WDR27: variants seen among roughly 807,000 people sequenced by gnomAD.
The protein encoded by WDR27 is WD repeat domain 27, also known as WD repeat-containing protein 27.
A neutral mutation model predicts 114.4 loss-of-function variants in WDR27; 100 were observed. The ratio of observed to expected loss-of-function variants is 0.87; its 90% CI spans 0.74 to 1.03. WDR27 has a LOEUF of 1.03. Ranked by LOEUF, WDR27 falls within the 50% of genes least tolerant of loss-of-function variation. The probability of loss-of-function intolerance (pLI) is 0.00; values close to 1 mark genes in which losing one functional copy is unlikely to be tolerated. For synonymous variants in WDR27, 449 were observed against 423.1 expected (o/e 1.06, Z -0.75); for missense variants, 1,129 against 1,092.9 (o/e 1.03, Z -0.47).
intron 24 of WDR27, among the ~76,000 whole-genome samples, chr6:169,576,903 A>C (rs1802443614): frequency 6.6e-6 from 1 of 152,182 alleles, no homozygotes; most frequent in Non-Finnish European, 1.5e-5. Context: ...GAAACGAAGA[A>C]AGAAAGATGG....
chr6:169,534,311 T>A (rs1795971801), intron 25 of WDR27, among the ~76,000 whole-genome samples: 2 of 152,248 alleles, frequency 1.3e-5, no homozygotes, highest in Admixed American at 1.3e-4. Flanking sequence ...TGGAGATTTT[T>A]GTATTTCTAT....
At chr6:169,525,105 T>TA (rs1326323392) in intron 25 of WDR27, among the ~76,000 whole-genome samples, 18 of 151,686 alleles carry the variant, frequency 1.2e-4, no homozygotes, top group African/African-American at 3.6e-4. Flanking sequence ...TAAATCCAAT[T>TA]AAAAAAAATC....
chr6:169,489,740 C>T (rs898114083), intron 25 of WDR27, among the ~76,000 whole-genome samples: 3 of 152,218 alleles, frequency 2.0e-5, no homozygotes, highest in African/African-American at 7.2e-5. Context: ...TTTCTGAAAT[C>T]CCTCCAGATG....
chr6:169,664,654 C>T, intron 7 of WDR27: 1 of 1,057,370 alleles, frequency 9.5e-7, no homozygotes, highest in South Asian at 4.4e-5. Flanking sequence ...GACAAGGCAA[C>T]AGCGGTCAAC....
At chr6:169,554,063 T>A (rs1171827453) in intron 25 of WDR27, among the ~76,000 whole-genome samples, 1 of 152,222 alleles carries the variant, frequency 6.6e-6, no homozygotes, top group African/African-American at 2.4e-5. Flanking sequence ...CAATTTCGCA[T>A]GGACAGACAA....
At chr6:169,701,458 A>AT (rs1466009588) in intron 1 of WDR27, 93 bp downstream of exon 1, 1 of 152,260 alleles carries the variant, frequency 6.6e-6, no homozygotes, top group African/African-American at 2.4e-5. Context: ...GAGGCCGGGC[A>AT]TTTCTACAGC....
intron 14 of WDR27, among the ~76,000 whole-genome samples, chr6:169,649,662 G>C (rs1024823881): frequency 6.6e-6 from 1 of 151,894 alleles, no homozygotes; most frequent in Non-Finnish European, 1.5e-5. Context: ...CAGAACTGGG[G>C]AATCCATACA....
intron 25 of WDR27, among the ~76,000 whole-genome samples, chr6:169,534,599 A>G (rs1796004405): frequency 6.6e-6 from 1 of 152,016 alleles, no homozygotes; most frequent in Non-Finnish European, 1.5e-5. Context: ...TGTTCTACTT[A>G]TTCTTGAATC....
In WDR27 at chr6:169,689,477, T is replaced by C. The variant is rs1325976400; in HGVS notation, c.-7-465A>G. Among the ~76,000 whole-genome samples the C allele has an allele frequency of 1.3e-5, 2 of 152,236 alleles. 1 individual carries two copies. The highest frequency in any genetic ancestry group is 6.3e-3 in the Middle Eastern group (2 of 316). ...AAATCAGTTGTTAGGAAACTGCAAT[T>C]GGAACCCGCATCTCCCATAACTAAC... On this transcript the variant is annotated intron_variant, in intron 1 of 25. Coordinates refer to ENST00000448612, the MANE Select transcript of WDR27 (RefSeq NM_182552.5).
chr6:169,497,340 C>T (rs1344625455), intron 25 of WDR27, among the ~76,000 whole-genome samples: 1 of 151,974 alleles, frequency 6.6e-6, no homozygotes, highest in Admixed American at 6.6e-5. Flanking sequence ...AGGAAAAAAG[C>T]TTTCCAGCAT....
intron 25 of WDR27, among the ~76,000 whole-genome samples, chr6:169,552,150 G>A (rs899172829): frequency 6.6e-6 from 1 of 152,066 alleles, no homozygotes; most frequent in African/African-American, 2.4e-5. Context: ...GCTCCATCCT[G>A]CTCGGGCCTG....
intron 25 of WDR27, among the ~76,000 whole-genome samples, chr6:169,458,034 C>T (rs1784483889): frequency 6.8e-6 from 1 of 146,442 alleles, no homozygotes; most frequent in Non-Finnish European, 1.5e-5. Flanking sequence ...GAATCCACCC[C>T]ACCCAGATAG....
intron 24 of WDR27, among the ~76,000 whole-genome samples, chr6:169,581,841 G>T (rs1292889520): frequency 6.6e-6 from 1 of 152,200 alleles, no homozygotes; most frequent in Admixed American, 6.5e-5. Context: ...GTGGAGTGCC[G>T]TTCCACCTGG....
intron 25 of WDR27, among the ~76,000 whole-genome samples, chr6:169,512,955 C>T (rs1449349340): frequency 6.6e-6 from 1 of 152,164 alleles, no homozygotes; most frequent in Non-Finnish European, 1.5e-5. Flanking sequence ...GAGACGGACA[C>T]TGCTTAAGAA....
rs1399104718 is a variant in WDR27, at chr6:169,578,762, GTTA to G, written c.2523+4071_2523+4073del. Among the ~76,000 whole-genome samples, 9 of 152,138 alleles carry G rather than the reference GTTA, an allele frequency of 5.9e-5. No individual in the cohort carries two copies. In the East Asian group the frequency reaches 1.5e-3, roughly 26 times the overall value. ...TGGGGGACGCTCAACAGTAGCTTTGGTTATTATTTTATACGGCATCATTTGTTC... is the reference window on the plus strand; with the variant it reads ...TGGGGGACGCTCAACAGTAGCTTTGGTTATTTTATACGGCATCATTTGTTC... On this transcript the variant is annotated intron_variant, in intron 24 of 25. Transcript: ENST00000448612.
At position 169,578,067 on chromosome 6, in the gene WDR27, T is replaced by C. The variant is rs927824578; in HGVS notation, c.2523+4769A>G. On this transcript the variant is annotated intron_variant, in intron 24 of 25. Coordinates refer to ENST00000448612, the MANE Select transcript of WDR27 (RefSeq NM_182552.5). ...ATTCTGGAAACGCGTTTCTCTAATG[T>C]GTGTTTTATCCTCCTACTGGGAGGT... Among the ~76,000 whole-genome samples, 10 of 152,242 alleles carry C rather than the reference T, an allele frequency of 6.6e-5. No individual in the cohort carries two copies. In the South Asian group the frequency reaches 1.0e-3, roughly 16 times the overall value.
At chr6:169,609,883 C>T (rs1301670714) in intron 22 of WDR27, among the ~76,000 whole-genome samples, 2 of 152,194 alleles carry the variant, frequency 1.3e-5, no homozygotes, top group African/African-American at 4.8e-5. Flanking sequence ...ACCCAAGTTA[C>T]CTCTTAAACA....
chr6:169,688,799 A>G lies in WDR27; in HGVS notation c.189+18T>C, dbSNP rs898653460. 6.3e-7 allele frequency: 1 copy of G among 1,581,366 alleles called. No homozygotes were observed. On this transcript the variant is annotated intron_variant, in intron 2 of 25. Transcript: ENST00000448612. ...GGGCAAGGCCTTCATGACACTGGACATGTAACTCGTTCAATACCTGATGAG... is the reference window on the plus strand; with the variant it reads ...GGGCAAGGCCTTCATGACACTGGACGTGTAACTCGTTCAATACCTGATGAG...
intron 21 of WDR27, among the ~76,000 whole-genome samples, chr6:169,616,000 A>G (rs904510913): frequency 2.0e-5 from 3 of 151,878 alleles, no homozygotes; most frequent in African/African-American, 7.2e-5. Context: ...CAAACAGCAC[A>G]CGCGAACTCT....
Sources: gnomAD v4.1 joint callset for allele counts (sites outside exome capture counted in the v4.1 genomes callset) on GRCh38, gnomAD v4.1.1 for gene constraint, MANE v1.5 for transcripts, NCBI Gene and HGNC (gene_info 2026-07-23, HGNC 2026-07-21) for gene names.